The following PARP8 variants were observed in gnomAD, a reference collection of about 807,000 sequenced individuals.
The protein encoded by PARP8 is poly(ADP-ribose) polymerase family member 8, also known as protein mono-ADP-ribosyltransferase PARP8.
In PARP8, 51 loss-of-function variants were observed where a neutral mutation model predicts 124.1. The ratio of observed to expected loss-of-function variants is 0.41; its 90% confidence interval spans 0.33 to 0.52. PARP8 has a LOEUF of 0.52. Among genes scored for constraint, PARP8 ranks in the 20% least tolerant of loss-of-function variants. The pLI is 0.21. For synonymous variants in PARP8, 391 were observed against 361.5 expected (o/e 1.08, Z -0.93); for missense variants, 860 against 1,018.9 (o/e 0.84, Z 2.12).
chr5:50,757,181 G>A (rs282549), intron 3 of PARP8: 404,942 of 455,532 alleles, frequency 0.89, 180,493 homozygotes, highest in East Asian at 1. Flanking sequence ...TCCTGGTTCC[G>A]TTTCCTGTGG....
At position 50,668,083 on chromosome 5, in the gene PARP8, C is replaced by G. The variant is rs779598285; in HGVS notation, c.104C>G (p.Ser35Cys). The G allele has an allele frequency of 2.5e-6, 4 of 1,611,954 alleles. No individual in the cohort carries two copies. The African/African-American group carries it at 4.0e-5, about 16-fold the overall frequency. Residue 35 changes from serine to cysteine, a missense_variant, in exon 2 of 26, where the codon TCT becomes TGT. By Grantham distance (112) the Ser-to-Cys change is moderately radical (BLOSUM62 -1). Transcript: ENST00000281631. ...KDCLFADFRYSDSTFTFTYVG... is the reference protein window; with the variant it reads ...KDCLFADFRYCDSTFTFTYVG... ...CTTTCTGTTTCAGATTTCAGATACTCTGACTCCACCTTTACTTTTACCTAC... is the reference window on the plus strand; with the variant it reads ...CTTTCTGTTTCAGATTTCAGATACTGTGACTCCACCTTTACTTTTACCTAC...
chr5:50,785,975 TCTC>T (rs1336313138), intron 9 of PARP8, among the ~76,000 whole-genome samples: 1 of 152,038 alleles, frequency 6.6e-6, no homozygotes, highest in Non-Finnish European at 1.5e-5. Context: ...GCAATTCAGT[TCTC>T]CTCCTCCTCC....
At chr5:50,831,485 T>C (rs1580496303) in intron 22 of PARP8, among the ~76,000 whole-genome samples, 1 of 152,028 alleles carries the variant, frequency 6.6e-6, no homozygotes, top group South Asian at 2.1e-4. Flanking sequence ...AAATACAATA[T>C]GCCAAAATAA....
chr5:50,826,580 A>G (rs758870778), intron 18 of PARP8, among the ~76,000 whole-genome samples, 175 bp from the exon 19 acceptor site: 1 of 152,166 alleles, frequency 6.6e-6, no homozygotes, highest in Non-Finnish European at 1.5e-5. Context: ...TTTTTGTTAC[A>G]TAAGCTCTTT....
intron 9 of PARP8, among the ~76,000 whole-genome samples, chr5:50,783,064 C>G (rs919383272): frequency 6.6e-6 from 1 of 151,832 alleles, no homozygotes; most frequent in African/African-American, 2.4e-5. Flanking sequence ...AGAAATAGGA[C>G]ATGTCTGGTA....
chr5:50,675,948 T>G (rs943732912), intron 2 of PARP8, among the ~76,000 whole-genome samples: 1 of 152,268 alleles, frequency 6.6e-6, no homozygotes, highest in Non-Finnish European at 1.5e-5. Flanking sequence ...CTTAAATGAC[T>G]AGTAATATTC....
Position 50,666,763 on chromosome 5 carries a change from C to T in PARP8, c.-333C>T, listed in dbSNP as rs1318731193. 7.9e-6 allele frequency: 6 copies of T among 758,832 alleles called. No homozygotes were observed. In the African/African-American group the frequency reaches 9.5e-5, roughly 12 times the overall value. The allele number at this position is 758,832 out of a possible 1,614,324, so 47.0% of individuals were successfully genotyped here. On this transcript the variant is annotated 5_prime_UTR_variant, in exon 1 of 26. It adds an upstream start codon to the 5' untranslated region. Coordinates refer to ENST00000281631, the MANE Select transcript of PARP8 (RefSeq NM_024615.4). Reference sequence around the variant, plus strand: ...GCTGTCCCCGGCACCTCGGCCCCCACGGCCGTTGGTCCGGGCGGGTGAGGG... The same window carrying T: ...GCTGTCCCCGGCACCTCGGCCCCCATGGCCGTTGGTCCGGGCGGGTGAGGG...
At chr5:50,752,139 T>C (rs1561328278) in intron 3 of PARP8, among the ~76,000 whole-genome samples, 3 of 151,870 alleles carry the variant, frequency 2.0e-5, no homozygotes, top group Admixed American at 6.6e-5. Flanking sequence ...AAAATGAATA[T>C]TAAATCTTTA....
intron 2 of PARP8, among the ~76,000 whole-genome samples, chr5:50,743,752 A>G (rs2149538690): frequency 6.6e-6 from 1 of 152,098 alleles, no homozygotes; most frequent in Non-Finnish European, 1.5e-5. Context: ...AAACATAAAT[A>G]AATAAATAAA....
intron 2 of PARP8, among the ~76,000 whole-genome samples, chr5:50,747,163 G>GTTT (rs1211253892): frequency 0.027 from 2,546 of 95,374 alleles, 123 homozygotes; most frequent in East Asian, 0.044. Flanking sequence ...TGTTTGTTTT[G>GTTT]TTTTTTTTTT....
chr5:50,675,204 G>C (rs1375175401), intron 2 of PARP8, among the ~76,000 whole-genome samples: 1 of 152,180 alleles, frequency 6.6e-6, no homozygotes, highest in Non-Finnish European at 1.5e-5. Flanking sequence ...CTTCCCCTAG[G>C]ATGGTGTCTT....
At chr5:50,827,777 G>A (rs74891380) in intron 19 of PARP8, among the ~76,000 whole-genome samples, 167 bp from the exon 20 acceptor site, 16,563 of 152,094 alleles carry the variant, frequency 0.11, 1,323 homozygotes, top group African/African-American at 0.23. Flanking sequence ...TATCACTTGC[G>A]TAGAGTTTTA....
At chr5:50,765,640 T>A (rs1463281723) in intron 7 of PARP8, among the ~76,000 whole-genome samples, 1 of 152,240 alleles carries the variant, frequency 6.6e-6, no homozygotes, top group Non-Finnish European at 1.5e-5. Context: ...TAAGCCATGT[T>A]CCTGCCTGCT....
At chr5:50,715,548 C>T (rs1464586336) in intron 2 of PARP8, among the ~76,000 whole-genome samples, 2 of 151,250 alleles carry the variant, frequency 1.3e-5, no homozygotes, top group South Asian at 2.1e-4. Context: ...ATAAAGATGA[C>T]CAAAATTGGT....
intron 21 of PARP8, among the ~76,000 whole-genome samples, chr5:50,829,419 A>G (rs1219310951): frequency 6.6e-6 from 1 of 152,190 alleles, no homozygotes; most frequent in Non-Finnish European, 1.5e-5. Context: ...ATAAGAAAGA[A>G]ATTTAGTTGA....
chr5:50,755,953 G>T (rs1476168747), intron 3 of PARP8, among the ~76,000 whole-genome samples: 1 of 151,980 alleles, frequency 6.6e-6, no homozygotes, highest in Non-Finnish European at 1.5e-5. Context: ...ATTATGAATG[G>T]GAGTTCACTC....
intron 2 of PARP8, among the ~76,000 whole-genome samples, chr5:50,739,709 C>CATATATATATAT (rs372997958): frequency 4.9e-5 from 5 of 101,040 alleles, no homozygotes; most frequent in African/African-American, 2.1e-4. Context: ...TGGGTATATA[C>CATATATATATAT]ATATATATAT....
intron 2 of PARP8, among the ~76,000 whole-genome samples, chr5:50,671,242 T>G (rs1749970905): frequency 6.6e-6 from 1 of 152,208 alleles, no homozygotes; most frequent in South Asian, 2.1e-4. Context: ...TCTGTTCCTT[T>G]CACTTGCAGT....
At position 50,815,502 on chromosome 5, in the gene PARP8, A is replaced by G; in HGVS notation, c.1646A>G (p.Asp549Gly). The change falls in exon 15 of 26, where the codon GAT becomes GGT. Residue 549 changes from aspartate to glycine, a missense_variant. This residue lies in a region of PARP8 where 343 missense variants were observed against 474.7 expected (regional missense o/e 0.72). Coordinates refer to ENST00000281631, the MANE Select transcript of PARP8 (RefSeq NM_024615.4). ...QTLGVMNEAA[D>G]EIATGAQVVD... ...CTGGGAGTAATGAATGAAGCTGCTG[A>G]TGAAATAGCAACTGGAGCTCAGGTA... 6.3e-7 allele frequency: 1 copy of G among 1,596,486 alleles called. No homozygotes were observed.
Sources: allele counts gnomAD v4.1 joint callset (sites outside exome capture counted in the v4.1 genomes callset), GRCh38; gene constraint gnomAD v4.1.1; regional missense constraint gnomAD v4.1.1; transcripts MANE v1.5; gene names NCBI Gene and HGNC (gene_info 2026-07-23, HGNC 2026-07-21).